Variants in DLL4 observed in about 807,000 individuals in gnomAD.
DLL4 encodes the protein delta like canonical Notch ligand 4.
A neutral mutation model predicts 73.6 loss-of-function variants in DLL4; 7 were observed. The ratio of observed to expected loss-of-function variants is 0.10; its 90% confidence interval spans 0.05 to 0.18. The LOEUF is 0.18. Ranked by LOEUF, DLL4 falls within the 10% of genes least tolerant of loss-of-function variation. DLL4 has a pLI of 1.00. For missense variants in DLL4, 614 were observed against 929.9 expected (o/e 0.66, Z 4.42); for synonymous variants, 345 against 374.3 (o/e 0.92, Z 0.90).
Position 40,929,382 on chromosome 15 carries a change from C to T in DLL4, c.-287C>T, listed in dbSNP as rs895974627. 8 of 426,822 alleles carry T rather than the reference C, an allele frequency of 1.9e-5. No homozygotes were observed. Among genetic ancestry groups the T allele is most frequent in the African/African-American group, 1.4e-4 (7 of 48,678 alleles). 26.4% of individuals were successfully genotyped at this position (426,822 alleles called of 1,614,324 possible). ...CAGGCCGGGAACACGAGGCCAAGAG[C>T]CGCAGCCCCAGCCGCCTTGGTGCAG... On this transcript the variant is annotated 5_prime_UTR_variant, in exon 1 of 11. Coordinates refer to ENST00000249749, the MANE Select transcript of DLL4 (RefSeq NM_019074.4). The surrounding 1 kb of genome is among the most constrained non-coding windows in gnomAD (Gnocchi z 7.1).
Position 40,934,712 on chromosome 15 carries a change from T to A in DLL4, c.1015T>A (p.Cys339Ser). Reference sequence around the variant, plus strand: ...CAACCCCTGTCGCAATGGAGGCAGCTGTAAGGTGAGGCCCAGACCAGCGCA... The same window carrying A: ...CAACCCCTGTCGCAATGGAGGCAGCAGTAAGGTGAGGCCCAGACCAGCGCA... The part of the protein sequence containing the change: ...DSNPCRNGGS[C>S]KDQEDGYHCL... The change falls in exon 7 of 11, where the codon TGT (cysteine) becomes AGT (serine). Residue 339 changes from cysteine to serine, a missense_variant. Transcript: ENST00000249749. 1 of 1,613,610 alleles carries A rather than the reference T, an allele frequency of 6.2e-7. No homozygotes were observed. The highest frequency in any genetic ancestry group is 1.7e-5 in the Admixed American group (1 of 59,998).
Position 40,938,491 on chromosome 15 carries a change from C to T in DLL4, c.*457C>T, listed in dbSNP as rs181735557. On this transcript the variant is annotated 3_prime_UTR_variant, in exon 11 of 11. Transcript: ENST00000249749. ...AAAGGAGAGAGGGGGCCAATGAGGGCAGGGCCTCCTGTGGGCTGGAAAACC... is the reference window on the plus strand; with the variant it reads ...AAAGGAGAGAGGGGGCCAATGAGGGTAGGGCCTCCTGTGGGCTGGAAAACC... The T allele has an allele frequency of 1.2e-4, 18 of 156,150 alleles. No individual in the cohort carries two copies. The highest frequency in any genetic ancestry group is 6.4e-4 in the Admixed American group (10 of 15,530). The allele number at this position is 156,150 out of a possible 1,614,324, so 9.7% of individuals were successfully genotyped here.
chr15:40,935,229 ATCTGCTCTG>A, intron 8 of DLL4, 112 bp downstream of exon 8: 1 of 1,095,288 alleles, frequency 9.1e-7, no homozygotes, highest in Non-Finnish European at 1.3e-6. Context: ...CTGGCCCCCC[ATCTGCTCTG>A]GAGGGCGAAG....
Position 40,938,081 on chromosome 15 carries a change from T to C in DLL4, c.*47T>C. 6.6e-7 allele frequency: 1 copy of C among 1,515,134 alleles called. No homozygotes were observed. Among genetic ancestry groups the C allele is most frequent in the Non-Finnish European group, 8.8e-7 (1 of 1,133,340 alleles). 93.9% of individuals were successfully genotyped at this position (1,515,134 alleles called of 1,614,324 possible). ...CCCTGCTCAGCCCCGCGGCTGGACC[T>C]TCCTTCTGCATTGTTTACATTGCAT... On this transcript the variant is annotated 3_prime_UTR_variant, in exon 11 of 11. Coordinates refer to ENST00000249749, the MANE Select transcript of DLL4 (RefSeq NM_019074.4).
At chr15:40,934,015 C>CAAAAAAA (rs59066863) in intron 6 of DLL4, among the ~76,000 whole-genome samples, 5 of 42,168 alleles carry the variant, frequency 1.2e-4, no homozygotes, top group African/African-American at 1.9e-4. Flanking sequence ...GACTCCGTCT[C>CAAAAAAA]AAAAAAAAAA....
At position 40,937,582 on chromosome 15, in the gene DLL4, T is replaced by C. The variant is rs557406421; in HGVS notation, c.2052+56T>C. 934 of 1,318,908 alleles carry C rather than the reference T, an allele frequency of 7.1e-4. 1 individual carries two copies. Among genetic ancestry groups the C allele is most frequent in the Admixed American group, 1.0e-3 (60 of 59,620 alleles). 81.7% of individuals were successfully genotyped at this position (1,318,908 alleles called of 1,614,324 possible). A position where few individuals can be genotyped will look rare whatever the true frequency, so the allele number is the denominator to read the frequency against. Reference sequence around the variant, plus strand: ...TTTTGTGGGAGGGAAAGTGGCCTGGTCACTCTTGACCCATGGGCCATTCCT... The same window carrying C: ...TTTTGTGGGAGGGAAAGTGGCCTGGCCACTCTTGACCCATGGGCCATTCCT... On this transcript the variant is annotated intron_variant, in intron 10 of 10. Coordinates refer to ENST00000249749, the MANE Select transcript of DLL4 (RefSeq NM_019074.4).
chr15:40,934,936 C>G lies in DLL4; in HGVS notation c.1059C>G (p.Gly353=). The change falls in exon 8 of 11, where the codon GGC becomes GGG. Residue 353 remains glycine, a synonymous_variant. Coordinates refer to ENST00000249749, the MANE Select transcript of DLL4 (RefSeq NM_019074.4). ...EDGYHCLCPP[G]YYGLHCEHST... is the part of the protein sequence containing the mutation. ...GCTACCACTGCCTGTGTCCTCCGGG[C>G]TACTATGGCCTGCATTGTGAACACA... 1 of 1,613,778 alleles carries G rather than the reference C, an allele frequency of 6.2e-7. No individual in the cohort carries two copies. The highest frequency in any genetic ancestry group is 8.5e-7 in the Non-Finnish European group (1 of 1,179,896).
Position 40,932,390 on chromosome 15 carries a change from A to C in DLL4, c.793A>C (p.Ser265Arg), listed in dbSNP as rs1194548695. Residue 265 changes from serine (S) to arginine (R), a missense_variant, in exon 6 of 11, where the codon AGC becomes CGC. Ser to Arg is a moderately radical substitution (Grantham distance 110). Around this residue, in one of 3 missense-constraint regions of DLL4, gnomAD observed 227 missense variants for 370.8 expected, o/e 0.61. Coordinates refer to ENST00000249749, the MANE Select transcript of DLL4 (RefSeq NM_019074.4). ...PHNGCRHGTC[S>R]TPWQCTCDEG... ...CAATGGCTGTCGCCACGGCACCTGC[A>C]GCACTCCCTGGCAATGTACTTGTGA... The C allele has an allele frequency of 7.4e-6, 12 of 1,613,972 alleles. No individual in the cohort carries two copies. The highest frequency in any genetic ancestry group is 9.3e-6 in the Non-Finnish European group (11 of 1,179,898).
rs113508793 is a variant in DLL4 at position 40,933,268 on chromosome 15, T to TTGTGTGTG, written c.850+845_850+852dup. Among the ~76,000 whole-genome samples, 276 of 147,444 alleles carry TTGTGTGTG rather than the reference T, an allele frequency of 1.9e-3. 2 individuals are homozygous for TTGTGTGTG. Among genetic ancestry groups the TTGTGTGTG allele is most frequent in the South Asian group, 0.011 (52 of 4,560 alleles). On this transcript the variant is annotated intron_variant, in intron 6 of 10. Transcript: ENST00000249749. ...AGGGGCTTGGGATTCAGTCCCTGTG[T>TTGTGTGTG]TGTGTGTGTGTGTGTGTGTGTGTGT...
chr15:40,936,519 G>T lies in DLL4; in HGVS notation c.1532G>T (p.Gly511Val). The T allele has an allele frequency of 6.2e-7, 1 of 1,611,638 alleles. No individual in the cohort carries two copies. The highest frequency in any genetic ancestry group is 8.5e-7 in the Non-Finnish European group (1 of 1,179,538). The change falls in exon 9 of 11, where the codon GGC (glycine) becomes GTC (valine). Residue 511 changes from glycine to valine, a missense_variant. Gly to Val is a moderately radical substitution (Grantham distance 109). Transcript: ENST00000249749. ...ACCTTTGTGTGCAACTGCCCTTATG[G>T]CTTTGTGGGCAGCCGCTGCGAGTTC... ...TDTFVCNCPY[G>V]FVGSRCEFPV...
Position 40,929,927 on chromosome 15 carries a change from T to C in DLL4, c.147T>C (p.Pro49=), listed in dbSNP as rs778736053. Residue 49 remains proline (P), a synonymous_variant, in exon 2 of 11, where the codon CCT becomes CCC. Coordinates refer to ENST00000249749, the MANE Select transcript of DLL4 (RefSeq NM_019074.4). The surrounding 1 kb of genome is among the most constrained non-coding windows in gnomAD (Gnocchi z 7.1). ...NERGVLASGR[P]CEPGCRTFFR... is the part of the protein sequence containing the mutation. ...GCGGCGTACTGGCCAGTGGGCGGCC[T>C]TGCGAGCCCGGCTGCCGGACTTTCT... The C allele has an allele frequency of 6.2e-7, 1 of 1,613,052 alleles. No individual in the cohort carries two copies. Among genetic ancestry groups the C allele is most frequent in the South Asian group, 1.1e-5 (1 of 91,082 alleles).
At chr15:40,933,742 C>T (rs984245169) in intron 6 of DLL4, among the ~76,000 whole-genome samples, 9 of 152,138 alleles carry the variant, frequency 5.9e-5, no homozygotes, top group South Asian at 4.1e-4. Flanking sequence ...CCTGGCAGGA[C>T]GTCTTCCAGT....
In DLL4 at chr15:40,936,407, C is replaced by T; in HGVS notation, c.1420C>T (p.Arg474Cys). Reference protein sequence around the residue: ...CTCPAGFSGRRCEVRTSIDAC... With the variant: ...CTCPAGFSGRCCEVRTSIDAC... Reference sequence around the variant, plus strand: ...CTGCCCTGCCGGCTTCTCTGGCCGACGCTGTGAGGTGCGGACATCCATCGA... The same window carrying T: ...CTGCCCTGCCGGCTTCTCTGGCCGATGCTGTGAGGTGCGGACATCCATCGA... The change falls in exon 9 of 11, where the codon CGC becomes TGC. Residue 474 changes from arginine to cysteine, a missense_variant. Arg to Cys is a radical substitution (Grantham distance 180). Coordinates refer to ENST00000249749, the MANE Select transcript of DLL4 (RefSeq NM_019074.4). 4 of 1,611,684 alleles carry T rather than the reference C, an allele frequency of 2.5e-6. No homozygotes were observed. The highest frequency in any genetic ancestry group is 1.1e-5 in the South Asian group (1 of 90,746).
rs1447143124 is a variant in DLL4 at position 40,932,459 on chromosome 15, T to A, written c.850+12T>A. The stretch of plus-strand genomic sequence containing the variant: ...GTTTTGTGACCAAGGTGAGTCAGGG[T>A]GAAGAGAGGGTGCAGAGGGTGCAAG... On this transcript the variant is annotated intron_variant, in intron 6 of 10. Transcript: ENST00000249749. 6.2e-7 allele frequency: 1 copy of A among 1,613,468 alleles called. No individual in the cohort carries two copies. Among genetic ancestry groups the A allele is most frequent in the East Asian group, 2.2e-5 (1 of 44,874 alleles).
chr15:40,930,009 G>C lies in DLL4; in HGVS notation c.229G>C (p.Gly77Arg). The change falls in exon 2 of 11, where the codon GGG (glycine) becomes CGG (arginine). Residue 77 changes from glycine (G) to arginine (R), a missense_variant. Transcript: ENST00000249749. The surrounding 1 kb of genome is among the most constrained non-coding windows in gnomAD (Gnocchi z 5.7). Reference sequence around the variant, plus strand: ...CGTCTCGCCCGGACCCTGCACCTTCGGGACCGTCTCCACGCCGGTATTGGG... The same window carrying C: ...CGTCTCGCCCGGACCCTGCACCTTCCGGACCGTCTCCACGCCGGTATTGGG... Reference protein sequence around the residue: ...AVVSPGPCTFGTVSTPVLGTN... With the variant: ...AVVSPGPCTFRTVSTPVLGTN... The C allele has an allele frequency of 6.2e-7, 1 of 1,612,938 alleles. No homozygotes were observed. The highest frequency in any genetic ancestry group is 8.5e-7 in the Non-Finnish European group (1 of 1,179,692).
In DLL4 at chr15:40,930,230, C is replaced by T; in HGVS notation, c.336+114C>T. 7.7e-7 allele frequency: 1 copy of T among 1,305,864 alleles called. No individual in the cohort carries two copies. Among genetic ancestry groups the T allele is most frequent in the Non-Finnish European group, 1.0e-6 (1 of 958,020 alleles). The allele number at this position is 1,305,864 out of a possible 1,614,324, so 80.9% of individuals were successfully genotyped here. On this transcript the variant is annotated intron_variant, in intron 2 of 10. Coordinates refer to ENST00000249749, the MANE Select transcript of DLL4 (RefSeq NM_019074.4). This position sits in a 1 kb window ranked among gnomAD's most constrained non-coding sequence, Gnocchi z 5.7. ...ACACACACCCCCACCCCCAAAAAGC[C>T]CAGGATGCATTCTTTCCTGGCTCTT...
chr15:40,938,172 G>C lies in DLL4; in HGVS notation c.*138G>C, dbSNP rs956123530. The stretch of plus-strand genomic sequence containing the variant: ...GGAGGAGGAGGGAATGGCAGGAACC[G>C]GACAGACTGTGAACTTGCCAAGAGA... On this transcript the variant is annotated 3_prime_UTR_variant, in exon 11 of 11. Coordinates refer to ENST00000249749, the MANE Select transcript of DLL4 (RefSeq NM_019074.4). 7 of 989,840 alleles carry C rather than the reference G, an allele frequency of 7.1e-6. No homozygotes were observed. In the South Asian group the frequency reaches 1.4e-4, roughly 20 times the overall value. 61.3% of individuals were successfully genotyped at this position (989,840 alleles called of 1,614,324 possible).
chr15:40,932,296 T>C (rs375671530), intron 5 of DLL4, 21 bp from the exon 6 acceptor site: 6 of 1,613,920 alleles, frequency 3.7e-6, no homozygotes, highest in East Asian at 4.5e-5. Context: ...CACCTCACTC[T>C]GCCTCTCTCT....
Position 40,929,720 on chromosome 15 carries a change from G to A in DLL4, c.52G>A (p.Ala18Thr). ...ASGWALLLLV[A>T]LWQQRAAGSG... is the part of the protein sequence containing the mutation. ...TGGCTGGGCGCTACTGCTGCTGGTG[G>A]CACTTTGGCAGCAGGTAACACGTCC... The change falls in exon 1 of 11, where the codon GCA (alanine) becomes ACA (threonine). Residue 18 changes from alanine to threonine, a missense_variant. Ala to Thr is a moderately conservative substitution (Grantham distance 58). Coordinates refer to ENST00000249749, the MANE Select transcript of DLL4 (RefSeq NM_019074.4). This position sits in a 1 kb window ranked among gnomAD's most constrained non-coding sequence, Gnocchi z 7.1. 1 of 1,597,394 alleles carries A rather than the reference G, an allele frequency of 6.3e-7. No individual in the cohort carries two copies. The highest frequency in any genetic ancestry group is 2.2e-5 in the East Asian group (1 of 44,720).
Sources: allele counts gnomAD v4.1 joint callset (sites outside exome capture counted in the v4.1 genomes callset), GRCh38; gene constraint gnomAD v4.1.1; regional missense constraint gnomAD v4.1.1; non-coding constraint Gnocchi (gnomAD v3.1); transcripts MANE v1.5; gene names NCBI Gene and HGNC (gene_info 2026-07-23, HGNC 2026-07-21).